PRKG1: variants seen among roughly 807,000 people sequenced by gnomAD.
The protein encoded by PRKG1 is protein kinase cGMP-dependent 1, also known as cGMP-dependent protein kinase 1.
PRKG1 carries 35 observed loss-of-function variants against 88.1 expected under a neutral mutation model. That is an observed-to-expected ratio of 0.40 (90% CI 0.30 to 0.53). The LOEUF (loss-of-function observed/expected upper bound fraction) is 0.53. Among genes scored for constraint, PRKG1 ranks in the 20% least tolerant of loss-of-function variants. The pLI is 0.59. For synonymous variants in PRKG1, 303 were observed against 292.5 expected (o/e 1.04, Z -0.37); for missense variants, 540 against 839.8 (o/e 0.64, Z 4.41).
intron 2 of PRKG1, among the ~76,000 whole-genome samples, chr10:51,428,618 T>C (rs1312130938): frequency 6.6e-6 from 1 of 152,202 alleles, no homozygotes; most frequent in Non-Finnish European, 1.5e-5. Context: ...TATGAGTCTA[T>C]AGCATTTTTG....
At chr10:51,665,131 A>G (rs775042265) in intron 3 of PRKG1, among the ~76,000 whole-genome samples, 5 of 152,186 alleles carry the variant, frequency 3.3e-5, no homozygotes, top group Non-Finnish European at 7.3e-5. Flanking sequence ...ACATTGTAAC[A>G]ACTTGAATCG....
intron 3 of PRKG1, among the ~76,000 whole-genome samples, chr10:51,624,538 C>G (rs966374562): frequency 6.6e-5 from 10 of 152,168 alleles, no homozygotes; most frequent in African/African-American, 2.2e-4. Context: ...CTGGCATAAT[C>G]TTTTAAGTCT....
intron 4 of PRKG1, among the ~76,000 whole-genome samples, chr10:51,810,973 T>C (rs1374780978): frequency 6.6e-6 from 1 of 152,220 alleles, no homozygotes; most frequent in African/African-American, 2.4e-5. Flanking sequence ...ATTAAATGAT[T>C]TTAGATTTAG....
intron 3 of PRKG1, among the ~76,000 whole-genome samples, chr10:51,752,848 A>C (rs187025538): frequency 6.6e-6 from 1 of 152,278 alleles, no homozygotes; most frequent in Admixed American, 6.5e-5. Flanking sequence ...ATATGTATTC[A>C]TATATGTATA....
At chr10:51,077,866 T>G (rs1402830047) in intron 1 of PRKG1, among the ~76,000 whole-genome samples, 1 of 152,212 alleles carries the variant, frequency 6.6e-6, no homozygotes, top group African/African-American at 2.4e-5. Context: ...GGAAATAAAC[T>G]GAGCAAATAA....
chr10:51,505,197 G>A (rs1014634346), intron 3 of PRKG1, among the ~76,000 whole-genome samples: 16 of 152,042 alleles, frequency 1.1e-4, no homozygotes, highest in African/African-American at 3.9e-4. Flanking sequence ...GTTGAATTTT[G>A]TCAAAGGCCT....
At chr10:51,939,339 T>C (rs1842857933) in intron 5 of PRKG1, among the ~76,000 whole-genome samples, 1 of 152,018 alleles carries the variant, frequency 6.6e-6, no homozygotes, top group Non-Finnish European at 1.5e-5. Context: ...TCTGCCTTGT[T>C]GTGATTGGTA....
intron 4 of PRKG1, among the ~76,000 whole-genome samples, chr10:51,870,176 G>GTTTTACTCATT (rs1281068603): frequency 2.0e-5 from 3 of 152,010 alleles, no homozygotes; most frequent in Non-Finnish European, 4.4e-5. Flanking sequence ...TCCTTACAGG[G>GTTTTACTCATT]GCTTTTGTAA....
chr10:51,301,659 A>G (rs1840890985), intron 2 of PRKG1, among the ~76,000 whole-genome samples: 1 of 152,226 alleles, frequency 6.6e-6, no homozygotes, highest in South Asian at 2.1e-4. Context: ...CAGGCGAGGG[A>G]TGGCAGTCAA....
chr10:51,001,611 G>C (rs1842890257), intron 1 of PRKG1, among the ~76,000 whole-genome samples: 1 of 152,166 alleles, frequency 6.6e-6, no homozygotes, highest in South Asian at 2.1e-4. Context: ...TACAGGATGA[G>C]GAATTTGCAA....
intron 2 of PRKG1, among the ~76,000 whole-genome samples, chr10:51,363,823 C>T (rs1043937109): frequency 7.9e-5 from 12 of 151,846 alleles, no homozygotes; most frequent in African/African-American, 2.4e-4. Flanking sequence ...ACCACGTCAA[C>T]GTAAGGTTTT....
At position 51,841,685 on chromosome 10, in the gene PRKG1, G is replaced by T. The variant is rs374047998; in HGVS notation, c.698+36995G>T. Among the ~76,000 whole-genome samples the T allele has an allele frequency of 4.9e-4, 74 of 151,642 alleles. 2 individuals carry two copies. In the East Asian group the frequency reaches 9.0e-3, roughly 18 times the overall value. ...AAAGACCAAAATATGGTTTTTATGTGTTTTTTTTCATTTTTGATACAGAGT... is the reference window on the plus strand; with the variant it reads ...AAAGACCAAAATATGGTTTTTATGTTTTTTTTTTCATTTTTGATACAGAGT... On this transcript the variant is annotated intron_variant, in intron 4 of 17. Coordinates refer to ENST00000373980, the MANE Select transcript of PRKG1 (RefSeq NM_006258.4).
intron 3 of PRKG1, among the ~76,000 whole-genome samples, chr10:51,683,292 C>T (rs1156915810): frequency 1.3e-5 from 2 of 152,004 alleles, no homozygotes; most frequent in African/African-American, 2.4e-5. Context: ...ACTACTCCAG[C>T]CTCTGCAAGG....
intron 3 of PRKG1, among the ~76,000 whole-genome samples, chr10:51,627,879 C>CCCTT (rs1839378720): frequency 2.2e-4 from 16 of 72,126 alleles, no homozygotes; most frequent in African/African-American, 6.0e-4. Context: ...TCCTTCCCTT[C>CCCTT]CCTTCCCTTC....
At chr10:51,816,189 C>T (rs1839580241) in intron 4 of PRKG1, among the ~76,000 whole-genome samples, 1 of 152,156 alleles carries the variant, frequency 6.6e-6, no homozygotes, top group South Asian at 2.1e-4. Flanking sequence ...ATGAATCTCA[C>T]ACAGATAAGC....
At chr10:51,835,209 G>C (rs538289047) in intron 4 of PRKG1, among the ~76,000 whole-genome samples, 2 of 152,342 alleles carry the variant, frequency 1.3e-5, no homozygotes, top group African/African-American at 4.8e-5. Flanking sequence ...TCTGGCAAGT[G>C]ATCTGGCAGG....
At chr10:51,288,551 T>C (rs185498738) in intron 2 of PRKG1, among the ~76,000 whole-genome samples, 13 of 152,308 alleles carry the variant, frequency 8.5e-5, no homozygotes, top group African/African-American at 3.1e-4. Context: ...TCATTTGAGG[T>C]TGTTAATCAT....
intron 2 of PRKG1, among the ~76,000 whole-genome samples, chr10:51,465,513 C>G (rs1440309071): frequency 6.6e-6 from 1 of 152,086 alleles, no homozygotes. Context: ...ACATATTATT[C>G]TTTGGAGTCT....
intron 3 of PRKG1, among the ~76,000 whole-genome samples, chr10:51,768,884 A>G (rs1046545092): frequency 2.6e-5 from 4 of 152,172 alleles, no homozygotes; most frequent in Admixed American, 2.0e-4. Flanking sequence ...CTCATAAATA[A>G]AAAAATGATG....
Sources: gnomAD v4.1 joint callset for allele counts (sites outside exome capture counted in the v4.1 genomes callset) on GRCh38, gnomAD v4.1.1 for gene constraint, MANE v1.5 for transcripts, NCBI Gene and HGNC (gene_info 2026-07-23, HGNC 2026-07-21) for gene names.